The following PRDM6 variants were observed in gnomAD, a reference collection of about 807,000 sequenced individuals.
PRDM6 encodes the protein PR/SET domain 6.
PRDM6 carries 25 observed loss-of-function variants against 60.8 expected under a neutral mutation model. The observed-to-expected ratio is 0.41, with a 90% confidence interval of 0.30 to 0.57. PRDM6 has a LOEUF of 0.57. Ranked by LOEUF, PRDM6 falls within the 20% of genes least tolerant of loss-of-function variation. The pLI, the probability that PRDM6 is intolerant of heterozygous loss-of-function variation, is 0.27. For missense variants in PRDM6, 839 were observed against 821.3 expected (o/e 1.02, Z -0.26); for synonymous variants, 407 against 357.4 (o/e 1.14, Z -1.57).
chr5:123,090,998 T>C (rs1763826857), intron 2 of PRDM6, among the ~76,000 whole-genome samples: 1 of 152,124 alleles, frequency 6.6e-6, no homozygotes, highest in African/African-American at 2.4e-5. Context: ...AGGCCCTGCC[T>C]GGCCTTAGCC....
intron 3 of PRDM6, among the ~76,000 whole-genome samples, chr5:123,151,617 T>C (rs1471999338): frequency 6.6e-6 from 1 of 152,190 alleles, no homozygotes; most frequent in Non-Finnish European, 1.5e-5. Context: ...TTGGAACAGA[T>C]GGTCTCTGAG....
intron 3 of PRDM6, among the ~76,000 whole-genome samples, chr5:123,142,213 G>A (rs1196085348): frequency 1.3e-5 from 2 of 152,142 alleles, no homozygotes; most frequent in Non-Finnish European, 2.9e-5. Flanking sequence ...CAACAGTCAA[G>A]TACTTATATT....
intron 5 of PRDM6, among the ~76,000 whole-genome samples, chr5:123,167,458 C>T (rs1398724122): frequency 1.3e-5 from 2 of 151,674 alleles, no homozygotes; most frequent in Non-Finnish European, 2.9e-5. Context: ...GGCACGGTCT[C>T]GGCTCACCGC....
At position 123,090,552 on chromosome 5, in the gene PRDM6, C is replaced by T. The variant is rs2150203567; in HGVS notation, c.538C>T (p.Gln180Ter). 6.6e-7 allele frequency: 1 copy of T among 1,525,586 alleles called. No homozygotes were observed. The highest frequency in any genetic ancestry group is 8.7e-7 in the Non-Finnish European group (1 of 1,143,732). 94.5% of individuals were successfully genotyped at this position (1,525,586 alleles called of 1,614,324 possible). The change falls in exon 2 of 8, where the codon CAG (glutamine) becomes TAG (stop). Residue 180 changes from glutamine (Q) to a stop codon, truncating the protein, a stop_gained. Coordinates refer to ENST00000407847, the MANE Select transcript of PRDM6 (RefSeq NM_001136239.4). LOFTEE classifies it high-confidence loss of function. ...GGAGCTGGACTATTACCTGTATGGCCAGCAGCGCATGGAGATCATCCCGCT... is the reference window on the plus strand; with the variant it reads ...GGAGCTGGACTATTACCTGTATGGCTAGCAGCGCATGGAGATCATCCCGCT... ...AEELDYYLYG[Q>*]QRMEIIPLNQ... is the part of the protein sequence containing the mutation.
In PRDM6 at chr5:123,194,015, A is replaced by G. The variant is rs910221842; in HGVS notation, c.*6814A>G. ...GTAGTTTGCTGTAAGGGCCACTGAT[A>G]TGACAAGAATGATTATCCCACAGTA... On this transcript the variant is annotated 3_prime_UTR_variant, in exon 8 of 8. Coordinates refer to ENST00000407847, the MANE Select transcript of PRDM6 (RefSeq NM_001136239.4). 1 of 152,182 alleles carries G rather than the reference A, an allele frequency of 6.6e-6. No homozygotes were observed. Among genetic ancestry groups the G allele is most frequent in the Non-Finnish European group, 1.5e-5 (1 of 68,032 alleles). 9.4% of individuals were successfully genotyped at this position (152,182 alleles called of 1,614,324 possible).
chr5:123,090,101 C>T lies in PRDM6; in HGVS notation c.87C>T (p.His29=). 6.5e-7 allele frequency: 1 copy of T among 1,546,416 alleles called. No individual in the cohort carries two copies. The highest frequency in any genetic ancestry group is 8.7e-7 in the Non-Finnish European group (1 of 1,145,190). ...AGCACTGGCAGCAACTCTTCCCTCA[C>T]GGAGGCGCAGGCCCGCTCAAGGGCA... ...YLQHWQQLFP[H]GGAGPLKGSG... Residue 29 remains histidine, a synonymous_variant, in exon 2 of 8, where the codon CAC becomes CAT. Coordinates refer to ENST00000407847, the MANE Select transcript of PRDM6 (RefSeq NM_001136239.4).
At chr5:123,148,786 A>T (rs1765307458) in intron 3 of PRDM6, among the ~76,000 whole-genome samples, 1 of 152,194 alleles carries the variant, frequency 6.6e-6, no homozygotes, top group Non-Finnish European at 1.5e-5. Flanking sequence ...GAATGTTTTT[A>T]TGACCCTCAT....
intron 3 of PRDM6, among the ~76,000 whole-genome samples, chr5:123,146,456 T>A (rs571344840): frequency 6.6e-6 from 1 of 152,330 alleles, no homozygotes; most frequent in African/African-American, 2.4e-5. Flanking sequence ...CTACTATTAT[T>A]TGTAGGATTA....
chr5:123,149,917 A>G lies in PRDM6; in HGVS notation c.901-5967A>G, dbSNP rs147305799. Among the ~76,000 whole-genome samples, 836 of 152,304 alleles carry G rather than the reference A, an allele frequency of 5.5e-3. 8 individuals are homozygous for G. The highest frequency in any genetic ancestry group is 0.019 in the African/African-American group (784 of 41,570). ...TATCAGTAAATTACAAAATGATTAAAATGCACTCCTGCCCTCAGTGAGTTT... is the reference window on the plus strand; with the variant it reads ...TATCAGTAAATTACAAAATGATTAAGATGCACTCCTGCCCTCAGTGAGTTT... On this transcript the variant is annotated intron_variant, in intron 3 of 7. Coordinates refer to ENST00000407847, the MANE Select transcript of PRDM6 (RefSeq NM_001136239.4).
intron 5 of PRDM6, among the ~76,000 whole-genome samples, chr5:123,160,357 C>T (rs530285188): frequency 2.6e-5 from 4 of 152,220 alleles, no homozygotes; most frequent in African/African-American, 7.2e-5. Context: ...AAAGTGATTT[C>T]GTATTTGGAA....
At chr5:123,149,408 C>T (rs936657861) in intron 3 of PRDM6, among the ~76,000 whole-genome samples, 1 of 152,134 alleles carries the variant, frequency 6.6e-6, no homozygotes, top group Admixed American at 6.5e-5. Flanking sequence ...GTTGGGGCTC[C>T]CTCTGGTCAA....
At chr5:123,126,410 AAATT>A (rs1764696888) in intron 3 of PRDM6, among the ~76,000 whole-genome samples, 1 of 150,368 alleles carries the variant, frequency 6.7e-6, no homozygotes, top group Non-Finnish European at 1.5e-5. Flanking sequence ...TTTTCTGTTG[AAATT>A]AATATAGCAT....
intron 3 of PRDM6, among the ~76,000 whole-genome samples, chr5:123,151,425 A>G (rs895236557): frequency 2.0e-5 from 3 of 152,114 alleles, no homozygotes; most frequent in Non-Finnish European, 4.4e-5. Flanking sequence ...TCTTCAGGAT[A>G]TTTACAGGAC....
At chr5:123,159,994 C>G (rs1765591196) in intron 5 of PRDM6, among the ~76,000 whole-genome samples, 1 of 152,232 alleles carries the variant, frequency 6.6e-6, no homozygotes, top group African/African-American at 2.4e-5. Flanking sequence ...ACCTTCTGCT[C>G]TGAAGGGATG....
rs1308489900 is a variant in PRDM6, at chr5:123,187,162, G to A, written c.1749G>A (p.Lys583=). The stretch of plus-strand genomic sequence containing the variant: ...ACCAGCGGATGCCCAATGAGTGCAA[G>A]CCAATAACTGAGAGCCCAGAATCAA... ...SRHQRMPNEC[K]PITESPESIE... is the part of the protein sequence containing the mutation. Residue 583 remains lysine (K), a synonymous_variant, in exon 8 of 8, where the codon AAG becomes AAA. Coordinates refer to ENST00000407847, the MANE Select transcript of PRDM6 (RefSeq NM_001136239.4). The A allele has an allele frequency of 5.2e-6, 8 of 1,551,518 alleles. No homozygotes were observed. Among genetic ancestry groups the A allele is most frequent in the Non-Finnish European group, 6.1e-6 (7 of 1,146,868 alleles).
At chr5:123,112,587 C>T (rs528439172) in intron 3 of PRDM6, among the ~76,000 whole-genome samples, 2 of 152,202 alleles carry the variant, frequency 1.3e-5, no homozygotes, top group South Asian at 4.2e-4. Flanking sequence ...TTCAGTATCC[C>T]GCACTGATCT....
In PRDM6 at chr5:123,166,045, G is replaced by A. The variant is rs115559148; in HGVS notation, c.1154-4721G>A. Among the ~76,000 whole-genome samples, 608 of 152,158 alleles carry A rather than the reference G, an allele frequency of 4.0e-3. 3 individuals are homozygous for A. The highest frequency in any genetic ancestry group is 6.2e-3 in the Non-Finnish European group (423 of 67,992). Reference sequence around the variant, plus strand: ...GCCGTGCCCTGTTCAGAATGTGACCGCCCCCACCATCCTCTGTTGTGTTAA... The same window carrying A: ...GCCGTGCCCTGTTCAGAATGTGACCACCCCCACCATCCTCTGTTGTGTTAA... On this transcript the variant is annotated intron_variant, in intron 5 of 7. Coordinates refer to ENST00000407847, the MANE Select transcript of PRDM6 (RefSeq NM_001136239.4).
In PRDM6 at chr5:123,147,989, G is replaced by A. The variant is rs185338672; in HGVS notation, c.901-7895G>A. Among the ~76,000 whole-genome samples the A allele has an allele frequency of 5.9e-5, 9 of 152,298 alleles. No homozygotes were observed. The East Asian group carries it at 1.7e-3, about 29-fold the overall frequency. ...CTCTCCTCTGCTAACTTGACACTTA[G>A]CAGTAGCTGACCCACAGTGTGACCA... On this transcript the variant is annotated intron_variant, in intron 3 of 7. Transcript: ENST00000407847.
rs528112383 is a variant in PRDM6 at position 123,171,244 on chromosome 5, A to G, written c.1496+136A>G. On this transcript the variant is annotated intron_variant, in intron 6 of 7. Coordinates refer to ENST00000407847, the MANE Select transcript of PRDM6 (RefSeq NM_001136239.4). ...CTGCATTCTGGAAGGTCAGAGAGAA[A>G]TGCAAGACCACTGCTTGACTTTCTT... is the stretch of plus-strand genomic sequence containing the variant. The G allele has an allele frequency of 1.7e-5, 12 of 718,286 alleles. No homozygotes were observed. In the East Asian group the frequency reaches 3.0e-4, roughly 18 times the overall value. The allele number at this position is 718,286 out of a possible 1,614,324, so 44.5% of individuals were successfully genotyped here. A position where few individuals can be genotyped will look rare whatever the true frequency, so the allele number is the denominator to read the frequency against.
Sources: allele counts gnomAD v4.1 joint callset (sites outside exome capture counted in the v4.1 genomes callset), GRCh38; gene constraint gnomAD v4.1.1; transcripts MANE v1.5; gene names NCBI Gene and HGNC (gene_info 2026-07-23, HGNC 2026-07-21).